Variants in RIMS3 observed in about 807,000 individuals in gnomAD.
RIMS3 encodes the protein regulating synaptic membrane exocytosis protein 3.
RIMS3 carries 15 observed loss-of-function variants against 29.2 expected under a neutral mutation model. The ratio of observed to expected loss-of-function variants is 0.51; its 90% CI spans 0.34 to 0.79. The LOEUF (loss-of-function observed/expected upper bound fraction) is 0.79, where lower values mean the gene tolerates loss of function less well. RIMS3 is among the 30% of genes least tolerant of loss of function. The pLI, the probability that RIMS3 is intolerant of heterozygous loss-of-function variation, is 0.01. For synonymous variants in RIMS3, 161 were observed against 170.1 expected, an observed-to-expected ratio of 0.95 and a Z score of 0.41; for missense variants, 342 against 421.4, an observed-to-expected ratio of 0.81 and a Z score of 1.65.
intron 5 of RIMS3, among the ~76,000 whole-genome samples, chr1:40,631,521 GA>G (rs1212662999): frequency 6.6e-6 from 1 of 151,006 alleles, no homozygotes; most frequent in African/African-American, 2.4e-5. Flanking sequence ...AAAATACAAA[GA>G]AAAAAAATTA....
the RIMS3 span, among the ~76,000 whole-genome samples, chr1:40,672,272 C>G: frequency 6.8e-6 from 1 of 146,788 alleles, no homozygotes; most frequent in Non-Finnish European, 1.5e-5. Context: ...TATCTCGGCT[C>G]ACTGCAAGCT....
intron 3 of RIMS3, among the ~76,000 whole-genome samples, chr1:40,640,238 T>C (rs587064): frequency 0.78 from 118,994 of 151,910 alleles, 47,321 homozygotes; most frequent in African/African-American, 0.9. Flanking sequence ...CCCAGCCCAA[T>C]TTCTAGATCC....
Position 40,625,804 on chromosome 1 carries a change from G to T in RIMS3, c.*713C>A, listed in dbSNP as rs1399084058. On this transcript the variant is annotated 3_prime_UTR_variant, in exon 8 of 8. Transcript: ENST00000372684. ...CGTGCTTCACTGGAAGAAGGAGGAG[G>T]TTCCAGCCTCATAGAGAAAGTCATT... The T allele has an allele frequency of 6.5e-6, 1 of 153,170 alleles. No individual in the cohort carries two copies. The highest frequency in any genetic ancestry group is 2.4e-5 in the African/African-American group (1 of 41,436). 9.5% of individuals were successfully genotyped at this position (153,170 alleles called of 1,614,324 possible).
the RIMS3 span, chr1:40,691,436 G>A: frequency 3.9e-6 from 1 of 253,980 alleles, no homozygotes; most frequent in Non-Finnish European, 7.9e-6. Flanking sequence ...TAAAATTCAA[G>A]CTCGCACCAA....
At chr1:40,684,824 T>C in the RIMS3 span, among the ~76,000 whole-genome samples, 2 of 152,148 alleles carry the variant, frequency 1.3e-5, no homozygotes, top group Non-Finnish European at 2.9e-5. Context: ...GCTCTGTGGG[T>C]AGCTAAATCC....
intron 4 of RIMS3, among the ~76,000 whole-genome samples, chr1:40,633,644 A>T (rs1311629275): frequency 6.6e-6 from 1 of 152,238 alleles, no homozygotes; most frequent in Non-Finnish European, 1.5e-5. Flanking sequence ...ACAGCAGCTA[A>T]GACCAAAATA....
the RIMS3 span, among the ~76,000 whole-genome samples, chr1:40,671,510 C>T: frequency 1.3e-5 from 2 of 152,078 alleles, no homozygotes; most frequent in African/African-American, 4.8e-5. Flanking sequence ...AGCACCATCC[C>T]CTTGGTGCTC....
At chr1:40,638,079 C>G (rs1018833759) in intron 3 of RIMS3, among the ~76,000 whole-genome samples, 8 of 152,092 alleles carry the variant, frequency 5.3e-5, no homozygotes, top group Admixed American at 3.9e-4. Context: ...AATGTGAGAC[C>G]CTGAGTCGGG....
At chr1:40,657,968 C>T (rs928305598) in intron 1 of RIMS3, among the ~76,000 whole-genome samples, 17 of 151,878 alleles carry the variant, frequency 1.1e-4, no homozygotes, top group African/African-American at 2.9e-4. Context: ...AATAATAGTA[C>T]CCATCTTATA....
At chr1:40,670,343 GAAT>G (rs1642476313), upstream of RIMS3, among the ~76,000 whole-genome samples, 1 of 151,564 alleles carries the variant, frequency 6.6e-6, no homozygotes, top group Non-Finnish European at 1.5e-5. Context: ...GGAGATCTTT[GAAT>G]GCTCCCCAAG....
At chr1:40,682,814 C>T in the RIMS3 span, among the ~76,000 whole-genome samples, 1 of 123,360 alleles carries the variant, frequency 8.1e-6, no homozygotes, top group South Asian at 2.6e-4. Context: ...GATCTCGGCT[C>T]ACTGCAACCT....
upstream of RIMS3, among the ~76,000 whole-genome samples, chr1:40,667,643 TA>T (rs1475067033): frequency 6.6e-6 from 1 of 152,122 alleles, no homozygotes; most frequent in Non-Finnish European, 1.5e-5. Context: ...TATAGAAGAA[TA>T]AACATACAGG....
chr1:40,636,507 C>T lies in RIMS3; in HGVS notation c.218-450G>A, dbSNP rs1056075770. On this transcript the variant is annotated intron_variant, in intron 3 of 7. Coordinates refer to ENST00000372684, the MANE Select transcript of RIMS3 (RefSeq NM_014747.3). This position sits in a 1 kb window ranked among gnomAD's most constrained non-coding sequence, Gnocchi z 4.2. ...TCCCTCTTTCAGGCACCCTCAGACC[C>T]TATCACACCCAGACCTCACAACTCA... 6.6e-6 allele frequency among the ~76,000 whole-genome samples: 1 copy of T among 152,166 alleles called. No individual in the cohort carries two copies. Among genetic ancestry groups the T allele is most frequent in the Non-Finnish European group, 1.5e-5 (1 of 68,034 alleles).
chr1:40,683,231 A>G, the RIMS3 span, among the ~76,000 whole-genome samples: 1 of 152,214 alleles, frequency 6.6e-6, no homozygotes, highest in African/African-American at 2.4e-5. Flanking sequence ...TCTAATATGC[A>G]GTCATTCGCT....
chr1:40,689,003 G>C, the RIMS3 span, among the ~76,000 whole-genome samples: 1 of 152,210 alleles, frequency 6.6e-6, no homozygotes, highest in Admixed American at 6.5e-5. Flanking sequence ...TTACCCCCAT[G>C]GATAGCTAAT....
Position 40,636,090 on chromosome 1 carries a change from G to C in RIMS3, c.218-33C>G. 1.2e-6 allele frequency: 2 copies of C among 1,600,494 alleles called. No homozygotes were observed. Among genetic ancestry groups the C allele is most frequent in the Non-Finnish European group, 1.7e-6 (2 of 1,179,468 alleles). On this transcript the variant is annotated intron_variant, in intron 3 of 7. Coordinates refer to ENST00000372684, the MANE Select transcript of RIMS3 (RefSeq NM_014747.3). This position sits in a 1 kb window ranked among gnomAD's most constrained non-coding sequence, Gnocchi z 4.2. ...CCCCCCAACCCCAAGCACAGAGAGG[G>C]AACAAGGTCAGATTATGAATGGGGC... is the stretch of plus-strand genomic sequence containing the variant.
At chr1:40,667,464 C>A (rs571718958), upstream of RIMS3, among the ~76,000 whole-genome samples, 1 of 152,272 alleles carries the variant, frequency 6.6e-6, no homozygotes, top group South Asian at 2.1e-4. Flanking sequence ...TTCACAGAGA[C>A]AGGTAAACCA....
At chr1:40,691,097 T>C in the RIMS3 span, 1 of 152,280 alleles carries the variant, frequency 6.6e-6, no homozygotes, top group Admixed American at 6.5e-5. Context: ...TCCATGCTCA[T>C]AGTAGCTGTG....
At chr1:40,684,384 G>C in the RIMS3 span, among the ~76,000 whole-genome samples, 1 of 152,110 alleles carries the variant, frequency 6.6e-6, no homozygotes, top group Non-Finnish European at 1.5e-5. Flanking sequence ...CATAGCTCAA[G>C]ATCTCCAGAA....
Sources: allele counts gnomAD v4.1 joint callset (sites outside exome capture counted in the v4.1 genomes callset), GRCh38; gene constraint gnomAD v4.1.1; non-coding constraint Gnocchi (gnomAD v3.1); transcripts MANE v1.5; gene names NCBI Gene and HGNC (gene_info 2026-07-23, HGNC 2026-07-21).